Variants in PRELID3A observed in about 807,000 individuals in gnomAD.
PRELID3A encodes the protein PRELI domain containing protein 3A.
In PRELID3A, 27 loss-of-function variants were observed where a neutral mutation model predicts 23.0. The ratio of observed to expected loss-of-function variants is 1.17; its 90% CI spans 0.87 to 1.62. The LOEUF (loss-of-function observed/expected upper bound fraction) is 1.62. Ranked by LOEUF, PRELID3A falls within the 40% of genes most tolerant of loss-of-function variation. PRELID3A has a pLI of 0.00. For missense variants in PRELID3A, 231 were observed against 231.4 expected (o/e 1.00, Z 0.01); for synonymous variants, 87 against 86.4 (o/e 1.01, Z -0.04).
rs980393069 is a variant in PRELID3A at position 12,431,475 on chromosome 18, G to A, written c.*359G>A. On this transcript the variant is annotated 3_prime_UTR_variant, in exon 7 of 7. Coordinates refer to ENST00000440960, the MANE Select transcript of PRELID3A (RefSeq NM_001142405.2). ...CCTGCAGGTGACCCGCGCCGCCCCC[G>A]CCCGCCCGCCCACGCTGTCCTCCAC... is the stretch of plus-strand genomic sequence containing the variant. The A allele has an allele frequency of 9.0e-6, 1 of 110,816 alleles. No individual in the cohort carries two copies. Among genetic ancestry groups the A allele is most frequent in the African/African-American group, 3.3e-5 (1 of 29,974 alleles). 6.9% of individuals were successfully genotyped at this position (110,816 alleles called of 1,614,324 possible).
intron 3 of PRELID3A, among the ~76,000 whole-genome samples, chr18:12,426,245 TAA>T: frequency 6.9e-6 from 1 of 144,880 alleles, no homozygotes; most frequent in South Asian, 2.2e-4. Flanking sequence ...CTCAAAAAAA[TAA>T]GAGAGAAAAA....
chr18:12,425,154 G>A (rs1412097193), intron 3 of PRELID3A, among the ~76,000 whole-genome samples: 1 of 151,904 alleles, frequency 6.6e-6, no homozygotes, highest in Admixed American at 6.6e-5. Flanking sequence ...AAACTAATTA[G>A]GATAAAATAA....
At chr18:12,415,575 G>A (rs2029921424) in intron 1 of PRELID3A, among the ~76,000 whole-genome samples, 1 of 152,082 alleles carries the variant, frequency 6.6e-6, no homozygotes, top group Non-Finnish European at 1.5e-5. Flanking sequence ...TTTTAAGACA[G>A]ATTTTTGCTA....
intron 1 of PRELID3A, among the ~76,000 whole-genome samples, chr18:12,410,238 C>T (rs865944966): frequency 3.3e-5 from 5 of 152,202 alleles, no homozygotes; most frequent in Non-Finnish European, 7.4e-5. Context: ...AGCAGGTGCT[C>T]GGAAGGGGTG....
intron 6 of PRELID3A, among the ~76,000 whole-genome samples, chr18:12,430,825 A>G (rs553758790): frequency 7.5e-6 from 1 of 132,950 alleles, no homozygotes; most frequent in Non-Finnish European, 1.6e-5. Flanking sequence ...TGGGATGTGT[A>G]TGTGTGTGGT....
intron 6 of PRELID3A, among the ~76,000 whole-genome samples, chr18:12,430,272 G>C (rs2030525851): frequency 6.6e-6 from 1 of 152,126 alleles, no homozygotes; most frequent in South Asian, 2.1e-4. Context: ...TATCTGTGTG[G>C]TGTGTGGTGT....
chr18:12,414,651 G>A (rs1255213406), intron 1 of PRELID3A, among the ~76,000 whole-genome samples: 6 of 152,086 alleles, frequency 3.9e-5, no homozygotes, highest in South Asian at 2.1e-4. Flanking sequence ...GCTTGAACCC[G>A]GGAGGTGGAG....
At chr18:12,410,275 C>T (rs1187610333) in intron 1 of PRELID3A, among the ~76,000 whole-genome samples, 1 of 152,252 alleles carries the variant, frequency 6.6e-6, no homozygotes, top group African/African-American at 2.4e-5. Context: ...GATCAGATGT[C>T]CTTCCAGGAC....
chr18:12,420,594 C>A, intron 2 of PRELID3A, 101 bp downstream of exon 2: 3 of 1,038,494 alleles, frequency 2.9e-6, no homozygotes, highest in Non-Finnish European at 3.8e-6. Context: ...GCCTCTGCTG[C>A]TTTGGCTGCC....
chr18:12,423,372 G>A (rs895288818), intron 3 of PRELID3A, among the ~76,000 whole-genome samples: 4 of 152,184 alleles, frequency 2.6e-5, no homozygotes, highest in African/African-American at 9.7e-5. Context: ...AGAGGGCCGG[G>A]GGGATGTTGG....
chr18:12,408,300 G>C (rs1178947767), intron 1 of PRELID3A, among the ~76,000 whole-genome samples: 1 of 151,492 alleles, frequency 6.6e-6, no homozygotes, highest in Admixed American at 6.6e-5. Context: ...CAGGGCGGGG[G>C]CAGCCGGAGC....
intron 3 of PRELID3A, among the ~76,000 whole-genome samples, chr18:12,422,511 A>G (rs1446765181): frequency 6.6e-6 from 1 of 151,850 alleles, no homozygotes; most frequent in African/African-American, 2.4e-5. Flanking sequence ...GCCGCGTGCC[A>G]CTACACCTGG....
chr18:12,408,941 T>A (rs1909818629), intron 1 of PRELID3A, among the ~76,000 whole-genome samples: 1 of 152,078 alleles, frequency 6.6e-6, no homozygotes. Context: ...CTAACCTAAG[T>A]GGTATCTTTT....
chr18:12,427,376 G>A (rs920425387), intron 5 of PRELID3A, 53 bp downstream of exon 5: 5 of 1,288,856 alleles, frequency 3.9e-6, no homozygotes, highest in Non-Finnish European at 5.6e-6. Flanking sequence ...TTAAGTGCCA[G>A]ATTAAGAATA....
At chr18:12,427,981 T>A (rs1482651969) in intron 5 of PRELID3A, among the ~76,000 whole-genome samples, 1 of 152,120 alleles carries the variant, frequency 6.6e-6, no homozygotes, top group Non-Finnish European at 1.5e-5. Context: ...ACCCACAACA[T>A]CAGAAATACA....
intron 5 of PRELID3A, among the ~76,000 whole-genome samples, chr18:12,427,585 C>T (rs2030422455): frequency 6.6e-6 from 1 of 151,980 alleles, no homozygotes; most frequent in African/African-American, 2.4e-5. Flanking sequence ...GTCCCAGCTA[C>T]TCGAGAGTCT....
chr18:12,424,999 C>T (rs573546689), intron 3 of PRELID3A, among the ~76,000 whole-genome samples: 23 of 152,094 alleles, frequency 1.5e-4, no homozygotes, highest in African/African-American at 3.4e-4. Context: ...AAAAATTAGC[C>T]GGGCATGGTG....
At chr18:12,408,356 G>C (rs1909795677) in intron 1 of PRELID3A, among the ~76,000 whole-genome samples, 1 of 151,778 alleles carries the variant, frequency 6.6e-6, no homozygotes, top group South Asian at 2.1e-4. Context: ...GGGCGGCCGG[G>C]GGCCTGGCGC....
At position 12,411,660 on chromosome 18, in the gene PRELID3A, G is replaced by A. The variant is rs140704303; in HGVS notation, c.32+3653G>A. On this transcript the variant is annotated intron_variant, in intron 1 of 6. Coordinates refer to ENST00000440960, the MANE Select transcript of PRELID3A (RefSeq NM_001142405.2). ...GGCCATGCCCTTCTCAGGGCAGGAC[G>A]GGCTTTGGGGCATGGGGAGTCATGC... Among the ~76,000 whole-genome samples the A allele has an allele frequency of 9.7e-4, 148 of 152,272 alleles. 1 individual carries two copies. Among genetic ancestry groups the A allele is most frequent in the African/African-American group, 3.3e-3 (138 of 41,542 alleles).
Sources: allele counts gnomAD v4.1 joint callset (sites outside exome capture counted in the v4.1 genomes callset), GRCh38; gene constraint gnomAD v4.1.1; transcripts MANE v1.5; gene names NCBI Gene and HGNC (gene_info 2026-07-23, HGNC 2026-07-21).